Variants in RAB6A observed in about 807,000 individuals in gnomAD.
RAB6A encodes the protein ras-related protein Rab-6A.
In RAB6A, 8 loss-of-function variants were observed where a neutral mutation model predicts 32.3. That is an observed-to-expected ratio of 0.25 (90% CI 0.15 to 0.45). The LOEUF (loss-of-function observed/expected upper bound fraction) is 0.45, where lower values mean the gene tolerates loss of function less well. RAB6A is among the 20% of genes least tolerant of loss of function. The pLI, the probability that RAB6A is intolerant of heterozygous loss-of-function variation, is 1.00. For synonymous variants in RAB6A, 73 were observed against 82.1 expected, an observed-to-expected ratio of 0.89 and a Z score of 0.60; for missense variants, 104 against 249.4, an observed-to-expected ratio of 0.42 and a Z score of 3.93.
intron 2 of RAB6A, chr11:73,730,497 G>C (rs1264255363): frequency 6.4e-6 from 2 of 313,422 alleles, no homozygotes; most frequent in Non-Finnish European, 1.2e-5. Context: ...AAAATCTATA[G>C]AGAATATCCA....
intron 6 of RAB6A, among the ~76,000 whole-genome samples, chr11:73,700,185 T>C (rs1333817552): frequency 2.6e-5 from 4 of 152,228 alleles, no homozygotes; most frequent in African/African-American, 7.2e-5. Context: ...ACTAAAAGAA[T>C]GTACTAATTC....
chr11:73,716,176 A>G (rs993461961), intron 5 of RAB6A, 75 bp downstream of exon 5: 1 of 1,180,090 alleles, frequency 8.5e-7, no homozygotes, highest in Non-Finnish European at 1.2e-6. Flanking sequence ...CTTTCAAAAC[A>G]ATTTCTCAGT....
intron 6 of RAB6A, among the ~76,000 whole-genome samples, chr11:73,697,391 C>CA (rs1945671498): frequency 6.6e-6 from 1 of 151,932 alleles, no homozygotes; most frequent in Non-Finnish European, 1.5e-5. Flanking sequence ...AGTGCAGTGG[C>CA]ATGGTCTCGG....
chr11:73,684,168 G>C (rs66818546), intron 6 of RAB6A, among the ~76,000 whole-genome samples: 1 of 144,388 alleles, frequency 6.9e-6, no homozygotes, highest in South Asian at 2.2e-4. Context: ...ATACATTGTT[G>C]TTTTTTTTTT....
chr11:73,704,131 T>G (rs761864277), intron 6 of RAB6A: 1 of 380,172 alleles, frequency 2.6e-6, no homozygotes. Flanking sequence ...ACCTATAATC[T>G]CGAAATCTTC....
intron 6 of RAB6A, among the ~76,000 whole-genome samples, chr11:73,700,863 G>C (rs1047028487): frequency 2.0e-5 from 3 of 152,046 alleles, no homozygotes; most frequent in African/African-American, 7.2e-5. Context: ...TCAAAATAAA[G>C]AGCAAAAGGG....
intron 6 of RAB6A, among the ~76,000 whole-genome samples, chr11:73,685,598 A>T (rs1945438310): frequency 4.0e-4 from 1 of 2,486 alleles, no homozygotes; most frequent in Admixed American, 5.8e-3. Context: ...GAAAGTAGCG[A>T]CCAGGTGCGG....
At chr11:73,710,905 G>T (rs1013305681) in intron 5 of RAB6A, among the ~76,000 whole-genome samples, 1 of 151,962 alleles carries the variant, frequency 6.6e-6, no homozygotes, top group African/African-American at 2.4e-5. Context: ...ACCATGCCTA[G>T]CCCATTTTCT....
At chr11:73,679,064 G>A (rs1945314369) in intron 7 of RAB6A, among the ~76,000 whole-genome samples, 1 of 152,078 alleles carries the variant, frequency 6.6e-6, no homozygotes, top group African/African-American at 2.4e-5. Flanking sequence ...ACATTTACAA[G>A]TGGGAAGAGC....
At chr11:73,733,649 T>C (rs575642398) in intron 1 of RAB6A, among the ~76,000 whole-genome samples, 14 of 151,868 alleles carry the variant, frequency 9.2e-5, no homozygotes, top group Non-Finnish European at 2.1e-4. Flanking sequence ...TGACAAAATA[T>C]CCTAACATGT....
At chr11:73,703,902 C>A (rs896419352) in intron 6 of RAB6A, among the ~76,000 whole-genome samples, 2 of 151,286 alleles carry the variant, frequency 1.3e-5, no homozygotes, top group Non-Finnish European at 2.9e-5. Context: ...TGGTGGCATG[C>A]GCCTGTAGTC....
chr11:73,689,588 C>G (rs567317813), intron 6 of RAB6A, among the ~76,000 whole-genome samples: 1 of 152,266 alleles, frequency 6.6e-6, no homozygotes, highest in Admixed American at 6.5e-5. Flanking sequence ...TCTATTGATT[C>G]CAGGTCTTTA....
intron 1 of RAB6A, among the ~76,000 whole-genome samples, chr11:73,731,378 A>G (rs1946298874): frequency 6.6e-6 from 1 of 151,740 alleles, no homozygotes; most frequent in Non-Finnish European, 1.5e-5. Context: ...TCGTGTCTCT[A>G]CTAAAAATAC....
intron 1 of RAB6A, among the ~76,000 whole-genome samples, chr11:73,746,452 G>A (rs1946589808): frequency 6.6e-6 from 1 of 152,000 alleles, no homozygotes. Flanking sequence ...CAAAGTCAGT[G>A]TGCTATGATT....
At chr11:73,730,521 T>C in intron 2 of RAB6A, 1 of 385,062 alleles carries the variant, frequency 2.6e-6, no homozygotes, top group Non-Finnish European at 4.6e-6. Context: ...TTACTTCTAA[T>C]GCCATCCTAG....
Position 73,739,779 on chromosome 11 carries a change from G to C in RAB6A, c.71-8956C>G, listed in dbSNP as rs536061691. ...GCATAAAAAAGAGAAGCCTCAGGCC[G>C]GGCCCGGTGGCTCATGCCTGTAATC... On this transcript the variant is annotated intron_variant, in intron 1 of 7. Coordinates refer to ENST00000336083, the MANE Select transcript of RAB6A (RefSeq NM_198896.2). Among the ~76,000 whole-genome samples, 5 of 152,100 alleles carry C rather than the reference G, an allele frequency of 3.3e-5. 1 individual carries two copies. Among genetic ancestry groups the C allele is most frequent in the Middle Eastern group, 6.8e-3 (2 of 294 alleles).
At position 73,675,916 on chromosome 11, in the gene RAB6A, T is replaced by C. The variant is rs1433006299; in HGVS notation, c.*1982A>G. ...TCTGCCATATTGAATCAATATTTATTTCAGGACATGCCATGTCAAAATAAA... is the reference window on the plus strand; with the variant it reads ...TCTGCCATATTGAATCAATATTTATCTCAGGACATGCCATGTCAAAATAAA... On this transcript the variant is annotated 3_prime_UTR_variant, in exon 8 of 8. Transcript: ENST00000336083. 6.0e-6 allele frequency: 1 copy of C among 167,112 alleles called. No homozygotes were observed. Among genetic ancestry groups the C allele is most frequent in the Admixed American group, 6.5e-5 (1 of 15,280 alleles). The allele number at this position is 167,112 out of a possible 1,614,324, so 10.4% of individuals were successfully genotyped here. A position where few individuals can be genotyped will look rare whatever the true frequency, so the allele number is the denominator to read the frequency against.
intron 1 of RAB6A, among the ~76,000 whole-genome samples, chr11:73,739,284 A>AAAAAAATATATATATAT (rs1208877325): frequency 5.9e-4 from 4 of 6,746 alleles, no homozygotes; most frequent in Non-Finnish European, 1.0e-3. Flanking sequence ...AAAAAAAAAA[A>AAAAAAATATATATATAT]ATATATATAT....
intron 6 of RAB6A, among the ~76,000 whole-genome samples, chr11:73,701,861 A>G (rs1206583928): frequency 6.6e-6 from 1 of 152,012 alleles, no homozygotes; most frequent in African/African-American, 2.4e-5. Flanking sequence ...AGCAGGTCTC[A>G]ATTGCTGGGC....
Sources: allele counts gnomAD v4.1 joint callset (sites outside exome capture counted in the v4.1 genomes callset), GRCh38; gene constraint gnomAD v4.1.1; transcripts MANE v1.5; gene names NCBI Gene and HGNC (gene_info 2026-07-23, HGNC 2026-07-21).